Variants in FAM156A observed in about 807,000 individuals in gnomAD.
The protein encoded by FAM156A is family with sequence similarity 156 member A, also known as protein FAM156A/FAM156B.
At chrX:52,980,960 G>A (rs1464872127) in intron 1 of FAM156A, among the ~76,000 whole-genome samples, 2 of 107,374 alleles carry the variant, frequency 1.9e-5, no homozygotes, top group Non-Finnish European at 3.9e-5. Context: ...CGAATCCAAG[G>A]GCAGTCTCGA....
In FAM156A at chrX:52,990,853, A is replaced by T. The variant is rs191281353; in HGVS notation, c.-434+4453T>A. Among the ~76,000 whole-genome samples, 52 of 109,429 alleles carry T rather than the reference A, an allele frequency of 4.8e-4. 1 individual carries two copies. Among genetic ancestry groups the T allele is most frequent in the African/African-American group, 1.6e-3 (46 of 29,394 alleles). ...AAAGAAAAGAAAAGAAAAGAAAAGA[A>T]AAGATGCTGGCCCTGGTCAGAAGGA... On this transcript the variant is annotated intron_variant, in intron 1 of 4. Transcript: ENST00000610625.
intron 1 of FAM156A, among the ~76,000 whole-genome samples, chrX:52,979,860 A>G (rs1929733750): frequency 8.9e-6 from 1 of 112,508 alleles, no homozygotes; most frequent in Non-Finnish European, 1.9e-5. Flanking sequence ...TTTCCTCTGT[A>G]CCGACTGCAA....
intron 1 of FAM156A, among the ~76,000 whole-genome samples, chrX:52,988,239 C>T (rs1556794823): frequency 2.1e-5 from 2 of 97,324 alleles, no homozygotes; most frequent in Non-Finnish European, 4.1e-5. Flanking sequence ...GAGCAAGACT[C>T]TGTCTCAAAA....
chrX:52,987,411 C>A (rs1930367721), intron 1 of FAM156A, among the ~76,000 whole-genome samples: 1 of 111,223 alleles, frequency 9.0e-6, no homozygotes, highest in Admixed American at 9.6e-5. Context: ...TGGCTTGAGC[C>A]CAGAAGGTCG....
chrX:52,976,204 G>C (rs1929456691), intron 1 of FAM156A, among the ~76,000 whole-genome samples: 1 of 112,036 alleles, frequency 8.9e-6, no homozygotes, highest in South Asian at 3.7e-4. Flanking sequence ...CCAGCACTTT[G>C]GGAGGCTGAG....
At chrX:52,981,004 CT>C (rs1179694580) in intron 1 of FAM156A, among the ~76,000 whole-genome samples, 24 of 101,809 alleles carry the variant, frequency 2.4e-4, no homozygotes, top group Admixed American at 2.1e-4. Flanking sequence ...GGATCCCAGT[CT>C]TTTTTTTTTT....
At chrX:52,990,137 G>T (rs1270952214) in intron 1 of FAM156A, among the ~76,000 whole-genome samples, 1 of 110,540 alleles carries the variant, frequency 9.0e-6, no homozygotes, top group Non-Finnish European at 1.9e-5. Flanking sequence ...TGCACCCTGA[G>T]GCCTCTGACC....
chrX:52,991,111 G>A (rs1394410461), intron 1 of FAM156A, among the ~76,000 whole-genome samples: 4 of 111,667 alleles, frequency 3.6e-5, no homozygotes, highest in African/African-American at 1.3e-4. Flanking sequence ...ATTAGTCAGG[G>A]TTCTCCCAAG....
chrX:52,973,713 A>G (rs1166050365), intron 1 of FAM156A, among the ~76,000 whole-genome samples: 2 of 112,115 alleles, frequency 1.8e-5, no homozygotes, highest in African/African-American at 6.5e-5. Context: ...CCCAGGCTGG[A>G]GTGCAGTGGC....
intron 1 of FAM156A, among the ~76,000 whole-genome samples, chrX:52,988,320 C>T (rs2146624998): frequency 9.0e-6 from 1 of 110,612 alleles, no homozygotes; most frequent in East Asian, 2.8e-4. Flanking sequence ...AGAAGCCAGT[C>T]TCAAAAGACT....
intron 1 of FAM156A, among the ~76,000 whole-genome samples, chrX:52,983,594 T>C (rs1930057978): frequency 9.0e-6 from 1 of 111,195 alleles, no homozygotes; most frequent in Non-Finnish European, 1.9e-5. Flanking sequence ...TATAATTTTT[T>C]CCCTCCCACC....
At chrX:52,976,315 A>G (rs782452135) in intron 1 of FAM156A, among the ~76,000 whole-genome samples, 2 of 110,911 alleles carry the variant, frequency 1.8e-5, no homozygotes, top group Non-Finnish European at 3.8e-5. Flanking sequence ...ATAGTGGTGC[A>G]TACCTGTAAT....
chrX:52,988,951 T>C (rs1556794958), intron 1 of FAM156A, among the ~76,000 whole-genome samples: 1 of 112,285 alleles, frequency 8.9e-6, no homozygotes, highest in East Asian at 2.8e-4. Flanking sequence ...GTCTGGATGG[T>C]CAAAAAGTAA....
At chrX:52,991,435 C>T (rs1012570538) in intron 1 of FAM156A, among the ~76,000 whole-genome samples, 30 of 111,479 alleles carry the variant, frequency 2.7e-4, no homozygotes, top group African/African-American at 9.8e-4. Context: ...TGCCCACCCA[C>T]GCCAATCTTC....
intron 1 of FAM156A, among the ~76,000 whole-genome samples, chrX:52,975,809 G>A (rs1348410477): frequency 8.9e-6 from 1 of 111,983 alleles, no homozygotes; most frequent in Non-Finnish European, 1.9e-5. Flanking sequence ...GCCAAATTGC[G>A]CCACTGGAGC....
In FAM156A at chrX:52,973,623, G is replaced by C. The variant is rs1461794397; in HGVS notation, c.-433-9388C>G. 7.1e-5 allele frequency among the ~76,000 whole-genome samples: 8 copies of C among 111,969 alleles called. No homozygotes were observed. In the Admixed American group the frequency reaches 7.6e-4, roughly 11 times the overall value. The stretch of plus-strand genomic sequence containing the variant: ...AGAAGGAAATTTGGATCTACACACA[G>C]AACTTCACAGTACTGGACACGGAAC... On this transcript the variant is annotated intron_variant, in intron 1 of 4. Transcript: ENST00000610625.
chrX:52,983,123 C>T (rs1292985034), intron 1 of FAM156A, among the ~76,000 whole-genome samples: 1 of 112,459 alleles, frequency 8.9e-6, no homozygotes, highest in Non-Finnish European at 1.9e-5. Flanking sequence ...CATCCTGGCA[C>T]ATGCCTGTGA....
rs1207119528 is a variant in FAM156A at position 52,974,198 on chromosome X, G to A, written c.-433-9963C>T. ...GTATTGTGGGGCTCTGACATAGGTA[G>A]ACATATAATGTAAGACAACAATAGC... On this transcript the variant is annotated intron_variant, in intron 1 of 4. Coordinates refer to the FAM156A transcript ENST00000610625. Among the ~76,000 whole-genome samples the A allele has an allele frequency of 3.6e-5, 4 of 112,040 alleles. No homozygotes were observed. In the Admixed American group the frequency reaches 3.8e-4, roughly 11 times the overall value.
chrX:52,990,779 CAA>C (rs1353952344), intron 1 of FAM156A, among the ~76,000 whole-genome samples: 8 of 37,998 alleles, frequency 2.1e-4, no homozygotes, highest in African/African-American at 6.6e-4. Context: ...GTGAGACTGT[CAA>C]GAAAAGAAAA....
Sources: allele counts gnomAD v4.1 joint callset (sites outside exome capture counted in the v4.1 genomes callset), GRCh38; gene constraint gnomAD v4.1.1; transcripts MANE v1.5; gene names NCBI Gene and HGNC (gene_info 2026-07-23, HGNC 2026-07-21).